JPH3: variants seen among roughly 807,000 people sequenced by gnomAD.
The protein encoded by JPH3 is junctophilin 3, also known as junctophilin-3.
Under a neutral mutation model 59.6 loss-of-function variants are expected in JPH3, and 11 were observed. The ratio of observed to expected loss-of-function variants is 0.18; its 90% CI spans 0.12 to 0.31. The LOEUF (loss-of-function observed/expected upper bound fraction) is 0.31, where lower values mean the gene tolerates loss of function less well. Among genes scored for constraint, JPH3 ranks in the 10% least tolerant of loss-of-function variants. The probability of loss-of-function intolerance (pLI) is 1.00; values close to 1 mark genes in which losing one functional copy is unlikely to be tolerated. For synonymous variants in JPH3, 673 were observed against 483.6 expected (o/e 1.39, Z -5.14); for missense variants, 1,202 against 1,105.7 (o/e 1.09, Z -1.24).
chr16:87,637,438 G>GTT (rs2031793293), intron 1 of JPH3, among the ~76,000 whole-genome samples: 1 of 151,894 alleles, frequency 6.6e-6, no homozygotes, highest in Admixed American at 6.6e-5. Flanking sequence ...GTGTGTGTGT[G>GTT]TGTGTTTTAA....
intron 2 of JPH3, among the ~76,000 whole-genome samples, chr16:87,670,322 A>C (rs1171148116): frequency 1.3e-5 from 2 of 152,168 alleles, no homozygotes; most frequent in Non-Finnish European, 2.9e-5. Context: ...GGGTCCTGGG[A>C]GAAGCAAACC....
intron 4 of JPH3, among the ~76,000 whole-genome samples, chr16:87,690,807 T>C (rs2033550033): frequency 6.6e-6 from 1 of 152,232 alleles, no homozygotes; most frequent in Non-Finnish European, 1.5e-5. Flanking sequence ...ATGGGATCCC[T>C]GCGCTCCCCG....
At chr16:87,659,691 C>G (rs1393795758) in intron 2 of JPH3, among the ~76,000 whole-genome samples, 2 of 151,978 alleles carry the variant, frequency 1.3e-5, no homozygotes, top group African/African-American at 2.4e-5. Flanking sequence ...CGAGATAGCA[C>G]CACTGCACTC....
intron 2 of JPH3, among the ~76,000 whole-genome samples, chr16:87,645,400 G>A (rs922588855): frequency 6.6e-6 from 1 of 152,226 alleles, no homozygotes; most frequent in Non-Finnish European, 1.5e-5. Flanking sequence ...TAGCTAGTAG[G>A]GGTGACACCA....
At chr16:87,681,034 C>T (rs1029218341) in intron 2 of JPH3, among the ~76,000 whole-genome samples, 1 of 152,198 alleles carries the variant, frequency 6.6e-6, no homozygotes, top group African/African-American at 2.4e-5. Context: ...ACCCCGTCCT[C>T]TCCGGGAGCT....
intron 1 of JPH3, among the ~76,000 whole-genome samples, chr16:87,617,497 C>T (rs1371649073): frequency 6.6e-6 from 1 of 151,956 alleles, no homozygotes; most frequent in African/African-American, 2.4e-5. Flanking sequence ...GCTGAGTTCA[C>T]GTGGTCACTC....
chr16:87,625,524 G>A (rs1375568448), intron 1 of JPH3, among the ~76,000 whole-genome samples: 1 of 152,302 alleles, frequency 6.6e-6, no homozygotes, highest in East Asian at 1.9e-4. Flanking sequence ...AGGAGGAGCA[G>A]GGCCAGCATG....
At chr16:87,604,140 G>A in intron 1 of JPH3, 1 of 1,353,826 alleles carries the variant, frequency 7.4e-7, no homozygotes, top group Non-Finnish European at 9.6e-7. Flanking sequence ...AGGGAGGAGG[G>A]AGGCCCATCT....
intron 3 of JPH3, chr16:87,684,528 G>A (rs886639122): frequency 1.3e-5 from 6 of 471,650 alleles, no homozygotes; most frequent in Admixed American, 7.4e-5. Flanking sequence ...GTTGCTTGCC[G>A]GCTGTCCCTG....
intron 2 of JPH3, among the ~76,000 whole-genome samples, chr16:87,656,304 A>G (rs2032500371): frequency 6.6e-6 from 1 of 152,198 alleles, no homozygotes; most frequent in Non-Finnish European, 1.5e-5. Context: ...AGTTCCCACA[A>G]AGGACTGGAT....
intron 4 of JPH3, 137 bp from the exon 5 acceptor site, chr16:87,696,443 G>A (rs1188116742): frequency 1.4e-6 from 1 of 710,538 alleles, no homozygotes; most frequent in African/African-American, 1.8e-5. Context: ...TGGTGTCCAA[G>A]CGTTTCTAAC....
chr16:87,660,934 C>G (rs529777747), intron 2 of JPH3, among the ~76,000 whole-genome samples: 1 of 152,354 alleles, frequency 6.6e-6, no homozygotes, highest in Admixed American at 6.5e-5. Context: ...ATGGTACAGG[C>G]TGTGAGAATC....
rs544804939 is a variant in JPH3, at chr16:87,698,073, G to T, written c.*1413G>T. On this transcript the variant is annotated 3_prime_UTR_variant, in exon 5 of 5. Transcript: ENST00000284262. ...TTTAGCTGTTTCTCTGCTACCTTTC[G>T]AGCAGACTTCTTTACTACACTGCAC... 3 of 152,596 alleles carry T rather than the reference G, an allele frequency of 2.0e-5. No individual in the cohort carries two copies. The highest frequency in any genetic ancestry group is 2.9e-5 in the Non-Finnish European group (2 of 68,036). 9.5% of individuals were successfully genotyped at this position (152,596 alleles called of 1,614,324 possible). A position where few individuals can be genotyped will look rare whatever the true frequency, so the allele number is the denominator to read the frequency against.
intron 2 of JPH3, among the ~76,000 whole-genome samples, chr16:87,662,167 C>T (rs765838432): frequency 5.9e-5 from 9 of 152,186 alleles, no homozygotes; most frequent in South Asian, 2.1e-4. Flanking sequence ...AGGGACATCC[C>T]GAAGCGCCGG....
At chr16:87,650,118 C>A (rs1053923659) in intron 2 of JPH3, among the ~76,000 whole-genome samples, 1 of 152,128 alleles carries the variant, frequency 6.6e-6, no homozygotes, top group Admixed American at 6.5e-5. Flanking sequence ...TTGTGGCACC[C>A]GTGCATGGGG....
intron 2 of JPH3, among the ~76,000 whole-genome samples, chr16:87,666,231 G>A (rs2032856855): frequency 6.6e-6 from 1 of 151,906 alleles, no homozygotes; most frequent in Non-Finnish European, 1.5e-5. Flanking sequence ...TGGGATTACA[G>A]GCACCTGCCA....
chr16:87,638,548 C>T (rs1323027736), intron 1 of JPH3, among the ~76,000 whole-genome samples: 2 of 142,054 alleles, frequency 1.4e-5, no homozygotes, highest in African/African-American at 2.7e-5. Context: ...CTCCTGGCTC[C>T]CCTCTGAGGA....
chr16:87,621,668 G>A (rs538216811), intron 1 of JPH3, among the ~76,000 whole-genome samples: 1 of 152,358 alleles, frequency 6.6e-6, no homozygotes, highest in South Asian at 2.1e-4. Context: ...CGGTTGAAGG[G>A]CCGGGTTTAT....
At chr16:87,640,950 C>T (rs1013183146) in intron 1 of JPH3, among the ~76,000 whole-genome samples, 1 of 152,178 alleles carries the variant, frequency 6.6e-6, no homozygotes, top group Non-Finnish European at 1.5e-5. Context: ...TAAAGGGCCA[C>T]CCCCTGAGAC....
Sources: allele counts gnomAD v4.1 joint callset (sites outside exome capture counted in the v4.1 genomes callset), GRCh38; gene constraint gnomAD v4.1.1; transcripts MANE v1.5; gene names NCBI Gene and HGNC (gene_info 2026-07-23, HGNC 2026-07-21).